Variants in PDLIM7 observed in about 807,000 individuals in gnomAD.
PDLIM7 encodes PDZ and LIM domain protein 7.
Under a neutral mutation model 53.9 loss-of-function variants are expected in PDLIM7, and 37 were observed. That is an observed-to-expected ratio of 0.69 (90% confidence interval 0.53 to 0.90). PDLIM7 has a LOEUF of 0.90. Among genes scored for constraint, PDLIM7 ranks in the 40% least tolerant of loss-of-function variants. The pLI is 0.00. For synonymous variants in PDLIM7, 300 were observed against 261.3 expected (o/e 1.15, Z -1.43); for missense variants, 617 against 638.5 (o/e 0.97, Z 0.36).
intron 9 of PDLIM7, 62 bp from the exon 10 acceptor site, chr5:177,488,310 T>A: frequency 1.4e-6 from 2 of 1,430,720 alleles, no homozygotes; most frequent in Non-Finnish European, 1.9e-6. Context: ...CTTGGCCCCC[T>A]TCAGGTTGAC....
intron 10 of PDLIM7, among the ~76,000 whole-genome samples, chr5:177,485,703 T>C (rs1581751212): frequency 1.3e-5 from 2 of 152,202 alleles, no homozygotes; most frequent in East Asian, 3.8e-4. Context: ...AAGAGAAATC[T>C]GCTGGGCGCA....
intron 5 of PDLIM7, chr5:177,491,455 G>T: frequency 6.7e-7 from 1 of 1,491,266 alleles, no homozygotes; most frequent in Non-Finnish European, 9.2e-7. Context: ...ACAGATAAAG[G>T]GACAAAGGGA....
intron 8 of PDLIM7, 41 bp from the exon 9 acceptor site, chr5:177,489,668 C>T: frequency 6.6e-7 from 1 of 1,521,072 alleles, no homozygotes; most frequent in Non-Finnish European, 8.8e-7. Context: ...CCAGGGACCC[C>T]AAAGGACGGG....
intron 5 of PDLIM7, 117 bp from the exon 6 acceptor site, chr5:177,491,263 T>A (rs1758765740): frequency 7.0e-7 from 1 of 1,433,282 alleles, no homozygotes; most frequent in Non-Finnish European, 9.6e-7. Context: ...TGGGTAAGGG[T>A]GAGGCCAGGA....
chr5:177,492,959 T>A (rs1758883393), intron 2 of PDLIM7: 2 of 452,546 alleles, frequency 4.4e-6, no homozygotes, highest in Non-Finnish European at 4.0e-6. Context: ...GATGCTTATC[T>A]ATTCACCGCC....
chr5:177,483,477 G>A lies in PDLIM7; in HGVS notation c.*167C>T. ...CACCGGTGTGCTGTGGTGGTGGAGG[G>A]AGTGGGGTGGGAGGATAAGGTGGGT... On this transcript the variant is annotated 3_prime_UTR_variant, in exon 13 of 13. Coordinates refer to ENST00000355841, the MANE Select transcript of PDLIM7 (RefSeq NM_005451.5). 1.7e-6 allele frequency: 1 copy of A among 592,022 alleles called. No homozygotes were observed. Among genetic ancestry groups the A allele is most frequent in the South Asian group, 2.1e-5 (1 of 46,690 alleles). 36.7% of individuals were successfully genotyped at this position (592,022 alleles called of 1,614,324 possible).
chr5:177,483,919 C>T lies in PDLIM7; in HGVS notation c.1235G>A (p.Arg412His), dbSNP rs746647632. ...GCDFKIDAGD[R>H]FLEALGFSWH... ...GCTGAAGCCCAGGGCCTCCAGGAAG[C>T]GGTCCCCAGCGTCGATCTTGAAGTC... Residue 412 changes from arginine (R) to histidine (H), a missense_variant, in exon 12 of 13, where the codon CGC (arginine) becomes CAC (histidine). Arg to His is a conservative substitution (Grantham distance 29). Coordinates refer to ENST00000355841, the MANE Select transcript of PDLIM7 (RefSeq NM_005451.5). The T allele has an allele frequency of 2.5e-6, 4 of 1,613,722 alleles. No homozygotes were observed. Among genetic ancestry groups the T allele is most frequent in the African/African-American group, 1.3e-5 (1 of 74,904 alleles).
rs115933169 is a variant in PDLIM7 at position 177,485,755 on chromosome 5, T to G, written c.1051-1565A>C. 7.5e-3 allele frequency among the ~76,000 whole-genome samples: 1,143 copies of G among 152,176 alleles called. 13 individuals are homozygous for G. The highest frequency in any genetic ancestry group is 0.027 in the African/African-American group (1,102 of 41,518). On this transcript the variant is annotated intron_variant, in intron 10 of 12. Coordinates refer to ENST00000355841, the MANE Select transcript of PDLIM7 (RefSeq NM_005451.5). ...ATCCCAGTGCTTTGGGAGGCCAAGG[T>G]GGGAGGATCGCTCGAGGCCAGGAGT...
chr5:177,490,759 AAGGAAGG>A, intron 7 of PDLIM7, 104 bp downstream of exon 7: 2 of 486,712 alleles, frequency 4.1e-6, no homozygotes, highest in South Asian at 2.3e-5. Context: ...GGAAGGAAGG[AAGGAAGG>A]GAGAATTGAG....
chr5:177,491,351 C>G, intron 5 of PDLIM7: 1 of 1,549,514 alleles, frequency 6.5e-7, no homozygotes, highest in South Asian at 1.2e-5. Context: ...GGGGCCGCCA[C>G]CCAGAGTGCC....
intron 9 of PDLIM7, 97 bp downstream of exon 9, chr5:177,489,296 T>C (rs1581756167): frequency 1.1e-6 from 1 of 924,344 alleles, no homozygotes; most frequent in African/African-American, 1.7e-5. Flanking sequence ...GAATCCTTAT[T>C]CCCCCCAGTC....
In PDLIM7 at chr5:177,491,114, C is replaced by T. The variant is rs749878127; in HGVS notation, c.431G>A (p.Ser144Asn). 9 of 1,610,620 alleles carry T rather than the reference C, an allele frequency of 5.6e-6. No individual in the cohort carries two copies. The highest frequency in any genetic ancestry group is 5.9e-6 in the Non-Finnish European group (7 of 1,178,678). ...TGTGTTCTCCATCAGCCGCTGCTTG[C>T]TGGCATCTGGGACCAGCGGTCGGAG... ...QPLRPLVPDASKQRLMENTED... is the reference protein window; with the variant it reads ...QPLRPLVPDANKQRLMENTED... Residue 144 changes from serine (S) to asparagine (N), a missense_variant, in exon 6 of 13, where the codon AGC becomes AAC. Coordinates refer to ENST00000355841, the MANE Select transcript of PDLIM7 (RefSeq NM_005451.5).
At chr5:177,491,278 T>A in intron 5 of PDLIM7, 132 bp from the exon 6 acceptor site, 2 of 1,438,856 alleles carry the variant, frequency 1.4e-6, no homozygotes, top group African/African-American at 1.4e-5. Context: ...CCAGGAGCCC[T>A]GCTGGGCGGG....
chr5:177,491,897 C>T lies in PDLIM7; in HGVS notation c.308G>A (p.Arg103Gln), dbSNP rs1355658332. Residue 103 changes from arginine (R) to glutamine (Q), a missense_variant, in exon 5 of 13, where the codon CGG (arginine) becomes CAG (glutamine). Coordinates refer to ENST00000355841, the MANE Select transcript of PDLIM7 (RefSeq NM_005451.5). ...GGAGACGCTGGGTGCAAAGGTGTAC[C>T]GCGGAGGGTCCGCGGCGGGGGCGGA... ...KASAPAADPP[R>Q]YTFAPSVSLN... is the part of the protein sequence containing the mutation. 2 of 1,110,304 alleles carry T rather than the reference C, an allele frequency of 1.8e-6. No homozygotes were observed. The highest frequency in any genetic ancestry group is 3.4e-5 in the African/African-American group (2 of 57,978). The allele number at this position is 1,110,304 out of a possible 1,614,324, so 68.8% of individuals were successfully genotyped here. A position where few individuals can be genotyped will look rare whatever the true frequency, so the allele number is the denominator to read the frequency against.
chr5:177,485,220 T>C (rs1758376734), intron 10 of PDLIM7, among the ~76,000 whole-genome samples: 1 of 152,246 alleles, frequency 6.6e-6, no homozygotes. Flanking sequence ...AACTGTTTTG[T>C]TAGCTGATCT....
chr5:177,492,478 G>T (rs779747082), intron 3 of PDLIM7, 43 bp from the exon 4 acceptor site: 47 of 1,613,572 alleles, frequency 2.9e-5, no homozygotes, highest in Non-Finnish European at 3.8e-5. Context: ...GGCCCGCAGG[G>T]ATCCCCACTG....
intron 1 of PDLIM7, chr5:177,496,733 C>CT: frequency 2.6e-6 from 1 of 390,838 alleles, no homozygotes; most frequent in Middle Eastern, 6.5e-4. Context: ...AGCAGCCCCC[C>CT]TCCCCTTGGG....
At chr5:177,486,392 G>C (rs1217743685) in intron 10 of PDLIM7, among the ~76,000 whole-genome samples, 1 of 152,068 alleles carries the variant, frequency 6.6e-6, no homozygotes, top group African/African-American at 2.4e-5. Flanking sequence ...CCCTAGCATA[G>C]TGCCACCCTT....
rs1468602667 is a variant in PDLIM7 at position 177,483,415 on chromosome 5, T to C, written c.*229A>G. The C allele has an allele frequency of 1.9e-6, 1 of 515,308 alleles. No homozygotes were observed. The highest frequency in any genetic ancestry group is 3.4e-6 in the Non-Finnish European group (1 of 289,886). 31.9% of individuals were successfully genotyped at this position (515,308 alleles called of 1,614,324 possible). A position where few individuals can be genotyped will look rare whatever the true frequency, so the allele number is the denominator to read the frequency against. On this transcript the variant is annotated 3_prime_UTR_variant, in exon 13 of 13. Coordinates refer to ENST00000355841, the MANE Select transcript of PDLIM7 (RefSeq NM_005451.5). ...AAGACACAGCTGGGTACAGGTTTAT[T>C]GTGGCACTGGAGGTGAAAGGGGGCT...
Sources: gnomAD v4.1 joint callset for allele counts (sites outside exome capture counted in the v4.1 genomes callset) on GRCh38, gnomAD v4.1.1 for gene constraint, MANE v1.5 for transcripts, NCBI Gene and HGNC (gene_info 2026-07-23, HGNC 2026-07-21) for gene names.